RBFOX1: variants seen among roughly 807,000 people sequenced by gnomAD.
RBFOX1 encodes the protein RNA binding protein fox-1 homolog 1.
A neutral mutation model predicts 57.7 loss-of-function variants in RBFOX1; 8 were observed. The ratio of observed to expected loss-of-function variants is 0.14; its 90% CI spans 0.08 to 0.25. The LOEUF (loss-of-function observed/expected upper bound fraction) is 0.25, where lower values mean the gene tolerates loss of function less well. RBFOX1 is among the 10% of genes least tolerant of loss of function. The pLI is 1.00. For missense variants in RBFOX1, 611 were observed against 548.5 expected, an observed-to-expected ratio of 1.11 and a Z score of -1.14; for synonymous variants, 326 against 222.4, an observed-to-expected ratio of 1.47 and a Z score of -4.15.
chr16:7,294,146 G>A (rs966467584), intron 4 of RBFOX1, among the ~76,000 whole-genome samples: 1 of 152,080 alleles, frequency 6.6e-6, no homozygotes, highest in African/African-American at 2.4e-5. Flanking sequence ...GAGTGGGTGG[G>A]GTGGAGGGTT....
intron 4 of RBFOX1, among the ~76,000 whole-genome samples, chr16:7,346,735 C>T (rs2097017035): frequency 6.6e-6 from 1 of 152,032 alleles, no homozygotes; most frequent in Admixed American, 6.6e-5. Flanking sequence ...TGTTGGGCTT[C>T]CTGTGGGTTG....
intron 3 of RBFOX1, among the ~76,000 whole-genome samples, chr16:5,615,136 G>A (rs2047974867): frequency 6.6e-6 from 1 of 152,204 alleles, no homozygotes; most frequent in East Asian, 1.9e-4. Flanking sequence ...CTGGGCTTAA[G>A]TGATATTTCC....
At chr16:6,395,663 T>C (rs1369013474) in intron 2 of RBFOX1, among the ~76,000 whole-genome samples, 1 of 152,194 alleles carries the variant, frequency 6.6e-6, no homozygotes, top group Admixed American at 6.5e-5. Context: ...TAGTGTTCCT[T>C]GTGTATATAT....
intron 4 of RBFOX1, among the ~76,000 whole-genome samples, chr16:7,372,306 A>G (rs1388671942): frequency 1.3e-5 from 2 of 152,208 alleles, no homozygotes; most frequent in African/African-American, 4.8e-5. Flanking sequence ...TGTCGGTACT[A>G]GCAGGCTCTA....
At chr16:6,606,497 T>A (rs543919615) in intron 2 of RBFOX1, among the ~76,000 whole-genome samples, 47 of 152,244 alleles carry the variant, frequency 3.1e-4, no homozygotes, top group African/African-American at 1.0e-3. Flanking sequence ...GCATTAGCTG[T>A]TTATCCTGAT....
At chr16:7,441,907 G>A (rs1027876594) in intron 4 of RBFOX1, among the ~76,000 whole-genome samples, 1 of 152,130 alleles carries the variant, frequency 6.6e-6, no homozygotes, top group Non-Finnish European at 1.5e-5. Flanking sequence ...ACAAATAAAC[G>A]TGCCCAGAGA....
chr16:6,894,949 G>C (rs1047587002), intron 3 of RBFOX1, among the ~76,000 whole-genome samples: 1 of 152,026 alleles, frequency 6.6e-6, no homozygotes, highest in Non-Finnish European at 1.5e-5. Flanking sequence ...TTTCTATCTA[G>C]AATTTGCAAC....
intron 1 of RBFOX1, among the ~76,000 whole-genome samples, chr16:6,195,488 C>T (rs905547266): frequency 4.6e-5 from 7 of 152,098 alleles, no homozygotes; most frequent in African/African-American, 9.7e-5. Context: ...GAGGCCAAGG[C>T]GGGCCAATCA....
intron 4 of RBFOX1, among the ~76,000 whole-genome samples, chr16:7,388,042 T>G (rs74012527): frequency 0.015 from 2,290 of 152,074 alleles, 55 homozygotes; most frequent in African/African-American, 0.052. Context: ...TTTTTTGTTT[T>G]GCTTTTTTTT....
At chr16:7,073,302 G>A (rs536901187) in intron 4 of RBFOX1, among the ~76,000 whole-genome samples, 1 of 152,270 alleles carries the variant, frequency 6.6e-6, no homozygotes, top group South Asian at 2.1e-4. Flanking sequence ...TTCAGAAAAT[G>A]TCAGCCAATC....
intron 4 of RBFOX1, among the ~76,000 whole-genome samples, chr16:5,925,517 A>G (rs1280346169): frequency 6.6e-6 from 1 of 152,222 alleles, no homozygotes; most frequent in African/African-American, 2.4e-5. Flanking sequence ...TTCGTGGAAC[A>G]TGAACATGAT....
chr16:7,688,798 G>A (rs1353832537), intron 14 of RBFOX1, among the ~76,000 whole-genome samples: 1 of 152,046 alleles, frequency 6.6e-6, no homozygotes, highest in Non-Finnish European at 1.5e-5. Context: ...TCATAATCAA[G>A]TTGTTGTTAG....
chr16:5,405,428 A>G (rs996279513), intron 1 of RBFOX1, among the ~76,000 whole-genome samples: 3 of 152,180 alleles, frequency 2.0e-5, no homozygotes, highest in Non-Finnish European at 4.4e-5. Flanking sequence ...GCCTATTGCC[A>G]TGTAAGATGT....
intron 2 of RBFOX1, among the ~76,000 whole-genome samples, chr16:5,566,170 G>T (rs910536983): frequency 3.3e-5 from 5 of 152,064 alleles, no homozygotes; most frequent in African/African-American, 1.2e-4. Context: ...GTCTTTATCA[G>T]CAGCATGAAA....
At chr16:7,398,883 C>T (rs1228187585) in intron 4 of RBFOX1, among the ~76,000 whole-genome samples, 1 of 152,190 alleles carries the variant, frequency 6.6e-6, no homozygotes, top group Non-Finnish European at 1.5e-5. Flanking sequence ...GTTCCCTATT[C>T]ATTCATACGG....
chr16:7,463,859 T>C (rs1044188686), intron 4 of RBFOX1, among the ~76,000 whole-genome samples: 2 of 152,200 alleles, frequency 1.3e-5, no homozygotes, highest in African/African-American at 2.4e-5. Flanking sequence ...TTCAAATTGA[T>C]TGGATCATTT....
intron 2 of RBFOX1, among the ~76,000 whole-genome samples, chr16:6,457,445 C>CTG (rs1555484700): frequency 3.0e-5 from 1 of 33,398 alleles, no homozygotes; most frequent in Non-Finnish European, 5.3e-5. Flanking sequence ...AAGTCCCCCC[C>CTG]CCCGCAATAG....
Position 5,693,362 on chromosome 16 carries a change from C to A in RBFOX1, c.318+94401C>A, listed in dbSNP as rs1331479514. 9.8e-5 allele frequency among the ~76,000 whole-genome samples: 5 copies of A among 51,118 alleles called. No homozygotes were observed. In the South Asian group the frequency reaches 2.0e-3, roughly 21 times the overall value. 33.5% of individuals were successfully genotyped at this position (51,118 alleles called of 152,430 possible). A position where few individuals can be genotyped will look rare whatever the true frequency, so the allele number is the denominator to read the frequency against. ...TGACTATTTTAAAAGCATATATAGG[C>A]AGATCAAAAAAAAAACAAAAACAAA... On this transcript the variant is annotated intron_variant, in intron 3 of 19. Coordinates refer to the RBFOX1 transcript ENST00000641259.
chr16:6,984,632 C>G lies in RBFOX1; in HGVS notation c.-15-67425C>G, dbSNP rs76518478. Among the ~76,000 whole-genome samples the G allele has an allele frequency of 7.9e-5, 12 of 152,058 alleles. No individual in the cohort carries two copies. In the East Asian group the frequency reaches 2.3e-3, roughly 29 times the overall value. On this transcript the variant is annotated intron_variant, in intron 3 of 15. Coordinates refer to ENST00000550418, the MANE Select transcript of RBFOX1 (RefSeq NM_018723.4). ...TCTGCCCAGTGAGTTTACCACATGC[C>G]TTCTTTACTTAATATTTTTATTATT...
Sources: gnomAD v4.1 joint callset for allele counts (sites outside exome capture counted in the v4.1 genomes callset) on GRCh38, gnomAD v4.1.1 for gene constraint, MANE v1.5 for transcripts, NCBI Gene and HGNC (gene_info 2026-07-23, HGNC 2026-07-21) for gene names.